The following COL23A1 variants were observed in gnomAD, a reference collection of about 807,000 sequenced individuals.
COL23A1 encodes the protein collagen alpha-1(XXIII) chain.
A neutral mutation model predicts 99.3 loss-of-function variants in COL23A1; 97 were observed. That is an observed-to-expected ratio of 0.98 (90% CI 0.83 to 1.16). The LOEUF (loss-of-function observed/expected upper bound fraction) is 1.16, where lower values mean the gene tolerates loss of function less well. Ranked by LOEUF, COL23A1 falls within the 50% of genes most tolerant of loss-of-function variation. COL23A1 has a pLI of 0.00. For missense variants in COL23A1, 762 were observed against 757.4 expected (o/e 1.01, Z -0.07); for synonymous variants, 320 against 308.2 (o/e 1.04, Z -0.40).
At chr5:178,319,252 C>A (rs1438534581) in intron 2 of COL23A1, among the ~76,000 whole-genome samples, 2 of 152,148 alleles carry the variant, frequency 1.3e-5, no homozygotes, top group Non-Finnish European at 2.9e-5. Context: ...AAAACAGGCT[C>A]CAGAGAGGCG....
At chr5:178,243,985 T>C (rs1764542651) in intron 25 of COL23A1, among the ~76,000 whole-genome samples, 1 of 152,090 alleles carries the variant, frequency 6.6e-6, no homozygotes, top group South Asian at 2.1e-4. Flanking sequence ...TCCCAGGTAA[T>C]GTTCTTTTTT....
At chr5:178,435,149 A>C (rs1224033460) in intron 2 of COL23A1, among the ~76,000 whole-genome samples, 1 of 152,222 alleles carries the variant, frequency 6.6e-6, no homozygotes, top group South Asian at 2.1e-4. Context: ...TGTGACAGCT[A>C]ATAAAGTAAC....
intron 2 of COL23A1, among the ~76,000 whole-genome samples, chr5:178,507,493 A>T (rs1044259520): frequency 6.6e-6 from 1 of 152,182 alleles, no homozygotes; most frequent in Non-Finnish European, 1.5e-5. Context: ...AGACGCTGAT[A>T]ATAATAGTTT....
chr5:178,282,052 C>CAAAAAA lies in COL23A1; in HGVS notation c.441+6266_441+6271dup, dbSNP rs70994994. 2.0e-4 allele frequency among the ~76,000 whole-genome samples: 20 copies of CAAAAAA among 98,686 alleles called. 1 individual carries two copies. The highest frequency in any genetic ancestry group is 5.0e-4 in the East Asian group (2 of 3,984). The allele number at this position is 98,686 out of a possible 152,430, so 64.7% of individuals were successfully genotyped here. On this transcript the variant is annotated intron_variant, in intron 5 of 28. Transcript: ENST00000390654. ...GGGCGACAGAGCAAGACACTGTCTC[C>CAAAAAA]AAAAAAAAAAAAAAAAGATGGGGTT... is the stretch of plus-strand genomic sequence containing the variant.
chr5:178,405,351 G>A (rs891805927), intron 2 of COL23A1, among the ~76,000 whole-genome samples: 1 of 152,202 alleles, frequency 6.6e-6, no homozygotes, highest in Non-Finnish European at 1.5e-5. Context: ...CGTTTACATT[G>A]TTCTTCAAAC....
chr5:178,245,912 A>C, intron 25 of COL23A1, 30 bp downstream of exon 25: 2 of 1,613,652 alleles, frequency 1.2e-6, no homozygotes, highest in Non-Finnish European at 1.7e-6. Context: ...AGAGGCACCC[A>C]ATTACTCAAA....
At chr5:178,412,848 A>G (rs115840692) in intron 2 of COL23A1, among the ~76,000 whole-genome samples, 79 of 152,252 alleles carry the variant, frequency 5.2e-4, no homozygotes, top group African/African-American at 1.9e-3. Flanking sequence ...TACATATGCT[A>G]AGCAGTTTTC....
At position 178,358,458 on chromosome 5, in the gene COL23A1, CGTATGT is replaced by C. The variant is rs537305835; in HGVS notation, c.362-51545_362-51540del. ...ATGTGTGTATGTGTGTATATGTATGCGTATGTGTATGTGCGTATGCGTATATATGTG... is the reference window on the plus strand; with the variant it reads ...ATGTGTGTATGTGTGTATATGTATGCGTATGTGCGTATGCGTATATATGTG... On this transcript the variant is annotated intron_variant, in intron 2 of 28. Transcript: ENST00000390654. Among the ~76,000 whole-genome samples, 478 of 119,556 alleles carry C rather than the reference CGTATGT, an allele frequency of 4.0e-3. 4 individuals carry two copies. The highest frequency in any genetic ancestry group is 5.2e-3 in the Non-Finnish European group (308 of 58,938). 78.4% of individuals were successfully genotyped at this position (119,556 alleles called of 152,430 possible).
chr5:178,504,199 C>T (rs1382307025), intron 2 of COL23A1, among the ~76,000 whole-genome samples: 4 of 152,062 alleles, frequency 2.6e-5, no homozygotes, highest in Non-Finnish European at 4.4e-5. Context: ...AATCGCACCC[C>T]CGACCCCCGA....
intron 1 of COL23A1, among the ~76,000 whole-genome samples, chr5:178,582,206 CAAAAAAAAAAAAAAA>C (rs11315118): frequency 1.0e-3 from 32 of 31,618 alleles, no homozygotes; most frequent in Admixed American, 6.5e-3. Flanking sequence ...GACTCTATCT[CAAAAAAAAAAAAAAA>C]AAAAAAAAAA....
Position 178,257,558 on chromosome 5 carries a change from C to T in COL23A1, c.739G>A (p.Gly247Arg). The T allele has an allele frequency of 6.4e-7, 1 of 1,560,240 alleles. No homozygotes were observed. Among genetic ancestry groups the T allele is most frequent in the Non-Finnish European group, 8.7e-7 (1 of 1,152,140 alleles). Residue 247 changes from glycine (G) to arginine (R), a missense_variant, in exon 13 of 29, where the codon GGG becomes AGG. By Grantham distance (125) the Gly-to-Arg change is moderately radical (BLOSUM62 -2). Transcript: ENST00000390654. ...PGVPGKKGDDGTPSQPGPPGP... is the reference protein window; with the variant it reads ...PGVPGKKGDDRTPSQPGPPGP... ...GGTGGTCCAGGCTGGCTTGGTGTCC[C>T]ATCGTCGCCCTGAGGAGAGGACACC... is the stretch of plus-strand genomic sequence containing the variant.
At chr5:178,478,336 C>T (rs1236821984) in intron 2 of COL23A1, among the ~76,000 whole-genome samples, 1 of 152,178 alleles carries the variant, frequency 6.6e-6, no homozygotes, top group East Asian at 1.9e-4. Context: ...CTAGGGTTAT[C>T]CGGGACTAAC....
chr5:178,497,239 G>C lies in COL23A1; in HGVS notation c.361+63443C>G, dbSNP rs151319691. On this transcript the variant is annotated intron_variant, in intron 2 of 28. Transcript: ENST00000390654. ...CAGCAAGGAACCTGAGGAGCCACGC[G>C]GTCCTAATGGCAACAGAGGCATCGC... Among the ~76,000 whole-genome samples the C allele has an allele frequency of 2.0e-5, 3 of 152,132 alleles. No homozygotes were observed. In the South Asian group the frequency reaches 6.2e-4, roughly 31 times the overall value.
At chr5:178,326,767 T>C (rs1346284916) in intron 2 of COL23A1, among the ~76,000 whole-genome samples, 2 of 152,266 alleles carry the variant, frequency 1.3e-5, no homozygotes, top group African/African-American at 4.8e-5. Flanking sequence ...TCACCCAGGC[T>C]GGAGTGCAGT....
intron 2 of COL23A1, among the ~76,000 whole-genome samples, chr5:178,372,716 G>C (rs1167226584): frequency 6.6e-6 from 1 of 151,474 alleles, no homozygotes; most frequent in Non-Finnish European, 1.5e-5. Context: ...GGGACCACAG[G>C]CACCCACCAC....
chr5:178,415,508 C>A lies in COL23A1; in HGVS notation c.362-108589G>T, dbSNP rs543621238. 6.6e-6 allele frequency among the ~76,000 whole-genome samples: 1 copy of A among 152,188 alleles called. No individual in the cohort carries two copies. The highest frequency in any genetic ancestry group is 2.4e-5 in the African/African-American group (1 of 41,448). On this transcript the variant is annotated intron_variant, in intron 2 of 28. Transcript: ENST00000390654. The surrounding 1 kb of genome is among the most constrained non-coding windows in gnomAD (Gnocchi z 4.6). The stretch of plus-strand genomic sequence containing the variant: ...GCTTGCTGCTGCCAGCCGGCCTCCA[C>A]GAACACTTCTACTGTCTCCTGACCT...
chr5:178,432,785 C>G (rs1340864625), intron 2 of COL23A1, among the ~76,000 whole-genome samples: 3 of 152,144 alleles, frequency 2.0e-5, no homozygotes, highest in African/African-American at 7.2e-5. Flanking sequence ...CTGCCTGGGA[C>G]AAGTGCCCCA....
chr5:178,298,798 C>T (rs137880522), intron 3 of COL23A1, among the ~76,000 whole-genome samples: 3 of 152,296 alleles, frequency 2.0e-5, no homozygotes, highest in Admixed American at 6.5e-5. Flanking sequence ...TGACCTCAAG[C>T]GATTTGCCCG....
At chr5:178,471,334 T>C (rs2647698) in intron 2 of COL23A1, among the ~76,000 whole-genome samples, 120,368 of 151,992 alleles carry the variant, frequency 0.79, 49,036 homozygotes, top group Non-Finnish European at 0.9. Context: ...CTCAGCCTCC[T>C]GGGTTCAAGT....
Sources: gnomAD v4.1 joint callset for allele counts (sites outside exome capture counted in the v4.1 genomes callset) on GRCh38, gnomAD v4.1.1 for gene constraint, Gnocchi (gnomAD v3.1) non-coding constraint, MANE v1.5 for transcripts, NCBI Gene and HGNC (gene_info 2026-07-23, HGNC 2026-07-21) for gene names.